Variants in CCL25 observed in about 807,000 individuals in gnomAD.
The protein encoded by CCL25 is C-C motif chemokine ligand 25.
A neutral mutation model predicts 19.9 loss-of-function variants in CCL25; 14 were observed. The observed-to-expected ratio is 0.70, with a 90% CI of 0.47 to 1.10. The LOEUF (loss-of-function observed/expected upper bound fraction) is 1.10. CCL25 is among the 50% of genes least tolerant of loss of function. The pLI, the probability that CCL25 is intolerant of heterozygous loss-of-function variation, is 0.00. For missense variants in CCL25, 151 were observed against 181.2 expected, an observed-to-expected ratio of 0.83 and a Z score of 0.96; for synonymous variants, 68 against 73.2, an observed-to-expected ratio of 0.93 and a Z score of 0.36.
At chr19:8,055,525 G>A (rs1458943043) in intron 2 of CCL25, among the ~76,000 whole-genome samples, 10 of 151,664 alleles carry the variant, frequency 6.6e-5, no homozygotes, top group South Asian at 2.1e-4. Flanking sequence ...TAGTAGAGAC[G>A]GGGTTTCACC....
Position 8,057,326 on chromosome 19 carries a change from C to CATT in CCL25, c.326-459_326-457dup, listed in dbSNP as rs369008080. 4.7e-3 allele frequency among the ~76,000 whole-genome samples: 684 copies of CATT among 146,450 alleles called. 14 individuals are homozygous for CATT. In the East Asian group the frequency reaches 0.054, roughly 12 times the overall value. On this transcript the variant is annotated intron_variant, in intron 4 of 5. Coordinates refer to ENST00000315626, the MANE Select transcript of CCL25 (RefSeq NM_005624.4). The stretch of plus-strand genomic sequence containing the variant: ...TGAACCACCATGCCTGGCTCCAGCT[C>CATT]ATTATTATTATTATTATTTTGAGAC...
chr19:8,062,290 C>A lies in CCL25; in HGVS notation c.*65C>A, dbSNP rs1031627166. The A allele has an allele frequency of 5.1e-6, 8 of 1,577,530 alleles. No homozygotes were observed. The African/African-American group carries it at 8.1e-5, about 16-fold the overall frequency. On this transcript the variant is annotated 3_prime_UTR_variant, in exon 6 of 6. Transcript: ENST00000315626. ...GGATCTTTCTCCGATAAAACCGTCG[C>A]CCTACAGACCCAGCTGTCCCCACGC...
rs372967104 is a variant in CCL25 at position 8,053,076 on chromosome 19, G to A, written c.27G>A (p.Leu9=). The part of the protein sequence containing the change: MNLWLLAC[L]VAGFLGAWAP... Reference sequence around the variant, plus strand: ...TGAACCTGTGGCTCCTGGCCTGCCTGGTGGCCGGCTTCCTGGGAGCCTGGG... The same window carrying A: ...TGAACCTGTGGCTCCTGGCCTGCCTAGTGGCCGGCTTCCTGGGAGCCTGGG... Residue 9 remains leucine (L), a synonymous_variant, in exon 2 of 6, where the codon CTG becomes CTA. Transcript: ENST00000315626. The A allele has an allele frequency of 1.9e-6, 3 of 1,555,380 alleles. No individual in the cohort carries two copies. In the East Asian group the frequency reaches 7.2e-5, roughly 38 times the overall value.
At chr19:8,052,605 G>C (rs2145275685), upstream of CCL25, among the ~76,000 whole-genome samples, 1 of 151,580 alleles carries the variant, frequency 6.6e-6, no homozygotes, top group East Asian at 2.0e-4. Context: ...GGGAGGCAAG[G>C]GGGCCTGTGG....
At chr19:8,059,133 A>C (rs2081299208) in intron 5 of CCL25, among the ~76,000 whole-genome samples, 1 of 81,066 alleles carries the variant, frequency 1.2e-5, no homozygotes, top group Non-Finnish European at 2.2e-5. Context: ...ATATATAAAT[A>C]TATATTATAT....
chr19:8,057,971 G>T, intron 5 of CCL25, 51 bp downstream of exon 5: 1 of 1,588,120 alleles, frequency 6.3e-7, no homozygotes, highest in Non-Finnish European at 8.6e-7. Context: ...CTTTGCTGAG[G>T]GTTGAGGGCT....
At chr19:8,053,152 G>A (rs943990431) in intron 2 of CCL25, 30 bp downstream of exon 2, 4 of 1,466,744 alleles carry the variant, frequency 2.7e-6, no homozygotes, top group Middle Eastern at 1.7e-4. Context: ...CTACCACCAA[G>A]TGCCCCTCTC....
chr19:8,053,237 T>G, intron 2 of CCL25, 115 bp downstream of exon 2: 24 of 579,534 alleles, frequency 4.1e-5, no homozygotes, highest in Non-Finnish European at 6.7e-5. Flanking sequence ...CACTGAATTC[T>G]CCCGCTCCTG....
In CCL25 at chr19:8,053,174, AC is replaced by A. The variant is rs774950585; in HGVS notation, c.73+56del. The A allele has an allele frequency of 5.1e-5, 58 of 1,148,186 alleles. No homozygotes were observed. The African/African-American group carries it at 8.0e-4, about 16-fold the overall frequency. 71.1% of individuals were successfully genotyped at this position (1,148,186 alleles called of 1,614,324 possible). ...CAAGTGCCCCTCTCCCCATGCCCCC[AC>A]CCCACCCCTTTTGTCTCTTATCTCC... On this transcript the variant is annotated intron_variant, in intron 2 of 5. Coordinates refer to ENST00000315626, the MANE Select transcript of CCL25 (RefSeq NM_005624.4).
At chr19:8,052,667 G>A, upstream of CCL25, 1 of 200,152 alleles carries the variant, frequency 5.0e-6, no homozygotes, top group Non-Finnish European at 9.9e-6. Context: ...GGCTGAGAGT[G>A]CAGGTGGAGA....
At chr19:8,054,877 G>A (rs919651120) in intron 2 of CCL25, among the ~76,000 whole-genome samples, 1 of 151,756 alleles carries the variant, frequency 6.6e-6, no homozygotes, top group Admixed American at 6.6e-5. Flanking sequence ...CATTGAGACA[G>A]AGTTTTGCTA....
intron 5 of CCL25, among the ~76,000 whole-genome samples, chr19:8,059,451 G>A (rs1274924006): frequency 1.3e-5 from 2 of 151,400 alleles, no homozygotes; most frequent in Admixed American, 6.6e-5. Context: ...CTCCCACCTC[G>A]GCCCCCCAAA....
At position 8,057,804 on chromosome 19, in the gene CCL25, G is replaced by A. The variant is rs1238998312; in HGVS notation, c.329G>A (p.Gly110Asp). 2 of 1,612,240 alleles carry A rather than the reference G, an allele frequency of 1.2e-6. No homozygotes were observed. The highest frequency in any genetic ancestry group is 2.2e-5 in the East Asian group (1 of 44,784). The change falls in exon 5 of 6, where the codon GGC becomes GAC. Residue 110 changes from glycine to aspartate, a missense_variant. Physicochemically the swap from Gly to Asp is moderately conservative, Grantham distance 94. Coordinates refer to ENST00000315626, the MANE Select transcript of CCL25 (RefSeq NM_005624.4). Reference protein sequence around the residue: ...LHHNTQTFQAGPHAVKKLSSG... With the variant: ...LHHNTQTFQADPHAVKKLSSG... ...ATTTCTCTCTCCATTTCTCCAGCAG[G>A]CCCTCATGCTGTAAAGAAGTTGAGT...
intron 5 of CCL25, among the ~76,000 whole-genome samples, chr19:8,060,007 T>C (rs1262827825): frequency 6.6e-6 from 1 of 152,000 alleles, no homozygotes; most frequent in Admixed American, 6.6e-5. Flanking sequence ...GAGAATGGCA[T>C]GAACCTGGGA....
chr19:8,054,568 G>T (rs942316183), intron 2 of CCL25, among the ~76,000 whole-genome samples: 3 of 152,108 alleles, frequency 2.0e-5, no homozygotes, highest in Admixed American at 6.6e-5. Context: ...TTTAGGCAGA[G>T]AATTGCACCC....
At chr19:8,053,506 C>T (rs946300414) in intron 2 of CCL25, among the ~76,000 whole-genome samples, 2 of 151,672 alleles carry the variant, frequency 1.3e-5, no homozygotes, top group African/African-American at 4.8e-5. Context: ...CCATCCTGGT[C>T]CCTCCATGCA....
rs765597678 is a variant in CCL25 at position 8,056,213 on chromosome 19, C to T, written c.135C>T (p.Arg45=). 30 of 1,577,770 alleles carry T rather than the reference C, an allele frequency of 1.9e-5. No individual in the cohort carries two copies. Among genetic ancestry groups the T allele is most frequent in the East Asian group, 9.0e-5 (4 of 44,272 alleles). The change falls in exon 3 of 6, where the codon CGC becomes CGT. Residue 45 remains arginine (R), a synonymous_variant. Coordinates refer to ENST00000315626, the MANE Select transcript of CCL25 (RefSeq NM_005624.4). ...HYPIGWAVLR[R]AWTYRIQEVS... ...CCATTGGGTGGGCTGTGCTCCGGCG[C>T]GCCTGGACTTACCGGATCCAGGAGG...
At chr19:8,054,636 C>A (rs572858873) in intron 2 of CCL25, among the ~76,000 whole-genome samples, 1 of 152,130 alleles carries the variant, frequency 6.6e-6, no homozygotes, top group South Asian at 2.1e-4. Flanking sequence ...ACCTGCTCAT[C>A]CCCCCAGAAC....
At position 8,052,984 on chromosome 19, in the gene CCL25, C is replaced by A; in HGVS notation, c.-50-16C>A. 1 of 1,152,774 alleles carries A rather than the reference C, an allele frequency of 8.7e-7. No individual in the cohort carries two copies. Among genetic ancestry groups the A allele is most frequent in the Non-Finnish European group, 1.3e-6 (1 of 798,238 alleles). The allele number at this position is 1,152,774 out of a possible 1,614,324, so 71.4% of individuals were successfully genotyped here. The stretch of plus-strand genomic sequence containing the variant: ...TCCTCTTCCTCAGTCCTTACCACTT[C>A]CCTCCACGACCCCAGGTGGCCCCGT... On this transcript the variant is annotated splice_polypyrimidine_tract_variant and intron_variant, in intron 1 of 5. Coordinates refer to ENST00000315626, the MANE Select transcript of CCL25 (RefSeq NM_005624.4).
Sources: allele counts gnomAD v4.1 joint callset (sites outside exome capture counted in the v4.1 genomes callset), GRCh38; gene constraint gnomAD v4.1.1; transcripts MANE v1.5; gene names NCBI Gene and HGNC (gene_info 2026-07-23, HGNC 2026-07-21).